RANBP17: variants seen among roughly 807,000 people sequenced by gnomAD.
The protein encoded by RANBP17 is ran-binding protein 17.
Under a neutral mutation model 141.2 loss-of-function variants are expected in RANBP17, and 158 were observed. The observed-to-expected ratio is 1.12, with a 90% CI of 0.98 to 1.28. RANBP17 has a LOEUF of 1.28. Ranked by LOEUF, RANBP17 falls within the 50% of genes most tolerant of loss-of-function variation. The pLI is 0.00. For synonymous variants in RANBP17, 430 were observed against 450.0 expected (o/e 0.96, Z 0.56); for missense variants, 1,438 against 1,290.7 (o/e 1.11, Z -1.75).
Position 171,005,393 on chromosome 5 carries a change from G to T in RANBP17, c.1710+37016G>T, listed in dbSNP as rs193014208. Among the ~76,000 whole-genome samples, 411 of 152,248 alleles carry T rather than the reference G, an allele frequency of 2.7e-3. 4 individuals carry two copies. The highest frequency in any genetic ancestry group is 9.5e-3 in the African/African-American group (394 of 41,532). On this transcript the variant is annotated intron_variant, in intron 14 of 27. Transcript: ENST00000523189. Reference sequence around the variant, plus strand: ...ACAGCATGGTACTGGTATCAAAACAGAGATATAGACCAATGGAACAGAACA... The same window carrying T: ...ACAGCATGGTACTGGTATCAAAACATAGATATAGACCAATGGAACAGAACA...
intron 14 of RANBP17, among the ~76,000 whole-genome samples, chr5:171,089,634 G>C (rs1403278510): frequency 2.0e-5 from 3 of 152,106 alleles, no homozygotes; most frequent in Non-Finnish European, 4.4e-5. Flanking sequence ...AGGACCCTCC[G>C]AGCCAGGTGT....
chr5:171,127,142 T>C (rs1179533767), intron 14 of RANBP17, among the ~76,000 whole-genome samples: 1 of 152,192 alleles, frequency 6.6e-6, no homozygotes, highest in Admixed American at 6.5e-5. Flanking sequence ...AAGCAGGATT[T>C]ATCCCAGGGA....
intron 24 of RANBP17, among the ~76,000 whole-genome samples, chr5:171,246,254 C>T (rs1765212614): frequency 6.6e-6 from 1 of 152,190 alleles, no homozygotes. Flanking sequence ...GTAGAACTCT[C>T]TTACGTAGGT....
At chr5:171,298,665 C>T (rs1768974262) in intron 27 of RANBP17, 97 bp from the exon 28 acceptor site, 6 of 820,046 alleles carry the variant, frequency 7.3e-6, no homozygotes, top group African/African-American at 1.7e-5. Flanking sequence ...GGAGGGGGCT[C>T]CCCAAAGTCC....
intron 21 of RANBP17, among the ~76,000 whole-genome samples, chr5:171,220,923 T>C (rs185879012): frequency 5.3e-4 from 80 of 152,330 alleles, no homozygotes; most frequent in Non-Finnish European, 9.4e-4. Flanking sequence ...TTCTAATAGG[T>C]AATCATTGTA....
intron 14 of RANBP17, among the ~76,000 whole-genome samples, chr5:171,006,808 A>G (rs1779657315): frequency 1.3e-5 from 2 of 151,664 alleles, no homozygotes; most frequent in African/African-American, 2.4e-5. Context: ...TAAAGCATCT[A>G]AGGGTTGCTG....
At chr5:171,093,693 A>G (rs1343188891) in intron 14 of RANBP17, among the ~76,000 whole-genome samples, 1 of 152,214 alleles carries the variant, frequency 6.6e-6, no homozygotes, top group African/African-American at 2.4e-5. Flanking sequence ...CAGTCTGGCA[A>G]AGTAATCAGA....
chr5:171,203,206 ACT>A (rs1480927185), intron 19 of RANBP17, among the ~76,000 whole-genome samples: 1 of 151,884 alleles, frequency 6.6e-6, no homozygotes, highest in African/African-American at 2.4e-5. Flanking sequence ...TTAAAATAAA[ACT>A]CTTTGCACTA....
rs762655414 is a variant in RANBP17, at chr5:170,896,130, C to G, written c.489+15C>G. ...AAATGAACCTGGTAAGCGAGCCTTT[C>G]CATCTAACAGGAGCCTGAGTTTGCT... On this transcript the variant is annotated intron_variant, in intron 5 of 27. Transcript: ENST00000523189. 7 of 1,576,172 alleles carry G rather than the reference C, an allele frequency of 4.4e-6. No homozygotes were observed. The highest frequency in any genetic ancestry group is 1.7e-4 in the Middle Eastern group (1 of 5,962).
chr5:171,294,296 C>A (rs1768685403), intron 26 of RANBP17, among the ~76,000 whole-genome samples: 1 of 152,162 alleles, frequency 6.6e-6, no homozygotes. Flanking sequence ...GAATTCTGAG[C>A]AACAACCCTT....
intron 14 of RANBP17, among the ~76,000 whole-genome samples, chr5:170,997,556 T>C (rs899891432): frequency 3.9e-5 from 6 of 152,188 alleles, no homozygotes; most frequent in African/African-American, 1.4e-4. Context: ...TCTCAGAAAG[T>C]CTTTCTAGCA....
chr5:171,203,938 T>C (rs1762437173), intron 19 of RANBP17, among the ~76,000 whole-genome samples: 1 of 152,174 alleles, frequency 6.6e-6, no homozygotes, highest in East Asian at 1.9e-4. Context: ...ATAGAATAGT[T>C]TGAAGAAGGC....
intron 18 of RANBP17, among the ~76,000 whole-genome samples, chr5:171,186,276 A>G (rs1581816731): frequency 1.3e-5 from 2 of 152,136 alleles, no homozygotes; most frequent in African/African-American, 4.8e-5. Context: ...TAGTGCAGCC[A>G]CTTTCATCAA....
intron 14 of RANBP17, among the ~76,000 whole-genome samples, chr5:171,073,093 T>TG (rs977383331): frequency 9.2e-5 from 14 of 152,114 alleles, no homozygotes; most frequent in African/African-American, 3.4e-4. Flanking sequence ...ATAGAACTGT[T>TG]GTTCTGTGTG....
intron 14 of RANBP17, among the ~76,000 whole-genome samples, chr5:171,057,836 C>T (rs1311358271): frequency 3.9e-5 from 6 of 152,074 alleles, no homozygotes; most frequent in Admixed American, 3.9e-4. Context: ...CTCACTATCA[C>T]AAGAACAGCA....
intron 14 of RANBP17, among the ~76,000 whole-genome samples, chr5:171,042,683 C>T (rs955599039): frequency 6.6e-5 from 10 of 152,084 alleles, no homozygotes; most frequent in African/African-American, 1.9e-4. Flanking sequence ...TTTTGCATTG[C>T]TTTTCTTAAT....
chr5:170,901,444 A>G (rs1770629496), intron 5 of RANBP17, among the ~76,000 whole-genome samples: 1 of 152,204 alleles, frequency 6.6e-6, no homozygotes, highest in Admixed American at 6.5e-5. Flanking sequence ...TCCTGAATAC[A>G]GCATACTGAT....
intron 14 of RANBP17, among the ~76,000 whole-genome samples, chr5:170,987,544 A>G (rs928776343): frequency 1.1e-4 from 16 of 151,448 alleles, no homozygotes; most frequent in African/African-American, 3.9e-4. Flanking sequence ...GCCTTTTTAA[A>G]AAAAAAATAA....
chr5:171,049,061 T>A (rs1782782332), intron 14 of RANBP17, among the ~76,000 whole-genome samples: 1 of 152,192 alleles, frequency 6.6e-6, no homozygotes, highest in Non-Finnish European at 1.5e-5. Context: ...GCCACACTGC[T>A]TTCCACAATG....
Sources: gnomAD v4.1 joint callset for allele counts (sites outside exome capture counted in the v4.1 genomes callset) on GRCh38, gnomAD v4.1.1 for gene constraint, MANE v1.5 for transcripts, NCBI Gene and HGNC (gene_info 2026-07-23, HGNC 2026-07-21) for gene names.